ZDHHC7: variants seen among roughly 807,000 people sequenced by gnomAD.
ZDHHC7 encodes the protein zDHHC palmitoyltransferase 7, also known as palmitoyltransferase ZDHHC7.
A neutral mutation model predicts 34.1 loss-of-function variants in ZDHHC7; 12 were observed. The observed-to-expected ratio is 0.35, with a 90% confidence interval of 0.23 to 0.57. The LOEUF is 0.57. Among genes scored for constraint, ZDHHC7 ranks in the 20% least tolerant of loss-of-function variants. The pLI is 0.84. For missense variants in ZDHHC7, 388 were observed against 402.7 expected (o/e 0.96, Z 0.31); for synonymous variants, 185 against 155.4 (o/e 1.19, Z -1.42).
chr16:85,009,045 CAAA>C (rs58054151), intron 1 of ZDHHC7, among the ~76,000 whole-genome samples: 23 of 138,894 alleles, frequency 1.7e-4, no homozygotes, highest in African/African-American at 3.1e-4. Flanking sequence ...AACTCCGTCT[CAAA>C]AAAAAAAAAA....
chr16:85,022,287 G>A, the ZDHHC7 span, among the ~76,000 whole-genome samples: 8,118 of 152,106 alleles, frequency 0.053, 262 homozygotes, highest in Middle Eastern at 0.082. Flanking sequence ...TTAGGAGGCC[G>A]AGGCGGTTGG....
intron 1 of ZDHHC7, among the ~76,000 whole-genome samples, chr16:85,005,398 T>C (rs1214170502): frequency 2.6e-5 from 4 of 152,254 alleles, no homozygotes; most frequent in African/African-American, 9.6e-5. Context: ...GAAAGGCTAT[T>C]TACTGAGCAT....
rs1433390497 is a variant in ZDHHC7, at chr16:84,990,321, T to C, written c.298A>G (p.Thr100Ala). 6.2e-7 allele frequency: 1 copy of C among 1,613,612 alleles called. No homozygotes were observed. Among genetic ancestry groups the C allele is most frequent in the Admixed American group, 1.7e-5 (1 of 59,950 alleles). The stretch of plus-strand genomic sequence containing the variant: ...GTACTCACAGGGTCGGTGAGCATGG[T>C]TCTCAGGTGGGATGACAGGGCAAGC... ...AVLALSSHLR[T>A]MLTDPGAVPK... Residue 100 changes from threonine to alanine, a missense_variant, in exon 3 of 8, where the codon ACC (threonine) becomes GCC (alanine). Thr to Ala is a moderately conservative substitution (Grantham distance 58). Transcript: ENST00000313732.
chr16:84,990,290 C>A lies in ZDHHC7; in HGVS notation c.315+14G>T. The A allele has an allele frequency of 6.2e-7, 1 of 1,610,722 alleles. No homozygotes were observed. The highest frequency in any genetic ancestry group is 8.5e-7 in the Non-Finnish European group (1 of 1,177,580). ...GACACAAGAGAGCCACCCAGAGACG[C>A]AGCCAGTACTCACAGGGTCGGTGAG... On this transcript the variant is annotated intron_variant, in intron 3 of 7. Coordinates refer to ENST00000313732, the MANE Select transcript of ZDHHC7 (RefSeq NM_017740.3).
the ZDHHC7 span, among the ~76,000 whole-genome samples, chr16:85,019,911 G>C: frequency 6.6e-6 from 1 of 152,130 alleles, no homozygotes; most frequent in African/African-American, 2.4e-5. Flanking sequence ...GAACTTCTTA[G>C]CTGCTGTTAT....
chr16:84,976,359 G>A lies in ZDHHC7; in HGVS notation c.911C>T (p.Pro304Leu), dbSNP rs758856098. Reference sequence around the variant, plus strand: ...AGCCACGCCTCACACTGAGAACTCCGGGCCACCTTTTCTGGGTCTCGTGGG... The same window carrying A: ...AGCCACGCCTCACACTGAGAACTCCAGGCCACCTTTTCTGGGTCTCGTGGG... ...RLPTRPRKGG[P>L]EFSV Residue 304 changes from proline (P) to leucine (L), a missense_variant, in exon 8 of 8, where the codon CCG (proline) becomes CTG (leucine). By Grantham distance (98) the Pro-to-Leu change is moderately conservative. Coordinates refer to ENST00000313732, the MANE Select transcript of ZDHHC7 (RefSeq NM_017740.3). The A allele has an allele frequency of 6.2e-5, 100 of 1,613,872 alleles. No homozygotes were observed. The highest frequency in any genetic ancestry group is 4.9e-4 in the Middle Eastern group (3 of 6,072).
intron 2 of ZDHHC7, among the ~76,000 whole-genome samples, chr16:84,994,824 C>G (rs1282523803): frequency 6.6e-6 from 1 of 152,222 alleles, no homozygotes; most frequent in African/African-American, 2.4e-5. Flanking sequence ...AATCCAAAAA[C>G]TGCTTTATTT....
chr16:84,989,922 C>A (rs1468465490), intron 3 of ZDHHC7, among the ~76,000 whole-genome samples: 1 of 152,156 alleles, frequency 6.6e-6, no homozygotes, highest in African/African-American at 2.4e-5. Flanking sequence ...TGGGCGTCTC[C>A]TCCGAGCTCT....
chr16:84,986,754 C>T (rs1051641671), intron 3 of ZDHHC7, among the ~76,000 whole-genome samples: 2 of 152,200 alleles, frequency 1.3e-5, no homozygotes, highest in South Asian at 2.1e-4. Flanking sequence ...GCAATCCCAG[C>T]GAGGACTGCC....
intron 2 of ZDHHC7, among the ~76,000 whole-genome samples, chr16:84,995,541 A>G (rs2072565384): frequency 6.6e-6 from 1 of 152,138 alleles, no homozygotes; most frequent in Non-Finnish European, 1.5e-5. Context: ...CAGAAGAATC[A>G]CTTGAACCTG....
In ZDHHC7 at chr16:85,009,713, T is replaced by TC. The variant is rs1045837779; in HGVS notation, c.-104+1572_-104+1573insG. Among the ~76,000 whole-genome samples, 264 of 144,514 alleles carry TC rather than the reference T, an allele frequency of 1.8e-3. 4 individuals carry two copies. The highest frequency in any genetic ancestry group is 1.8e-3 in the East Asian group (9 of 5,088). The allele number at this position is 144,514 out of a possible 152,430, so 94.8% of individuals were successfully genotyped here. On this transcript the variant is annotated intron_variant, in intron 1 of 7. Coordinates refer to ENST00000313732, the MANE Select transcript of ZDHHC7 (RefSeq NM_017740.3). ...AACCAAGTTCTGACTTTTTTTCTTT[T>TC]TTTTTTTTTTTTTGAGACGGAGTCT... is the stretch of plus-strand genomic sequence containing the variant.
chr16:84,998,300 T>A (rs889127200), intron 1 of ZDHHC7, among the ~76,000 whole-genome samples: 2 of 148,262 alleles, frequency 1.3e-5, no homozygotes, highest in Non-Finnish European at 3.0e-5. Flanking sequence ...GGTCAGGAGG[T>A]CCACCTTCCA....
At chr16:84,992,410 T>A (rs965640032) in intron 2 of ZDHHC7, among the ~76,000 whole-genome samples, 3 of 151,892 alleles carry the variant, frequency 2.0e-5, no homozygotes, top group African/African-American at 4.8e-5. Flanking sequence ...GGGGTGGAGG[T>A]TGCAGTGAGC....
At position 84,981,945 on chromosome 16, in the gene ZDHHC7, T is replaced by C; in HGVS notation, c.365A>G (p.Gln122Arg). The change falls in exon 4 of 8, where the codon CAG (glutamine) becomes CGG (arginine). Residue 122 changes from glutamine (Q) to arginine (R), a missense_variant. Physicochemically the swap from Gln to Arg is conservative, Grantham distance 43 (BLOSUM62 1). Transcript: ENST00000313732. ...GTAGATGACTTCCCCGGGCTTCAGC[T>C]GCAAGCTCTCCATGTATTCTTTCGT... ...NATKEYMESL[Q>R]LKPGEVIYKC... is the part of the protein sequence containing the mutation. 1.2e-6 allele frequency: 2 copies of C among 1,614,246 alleles called. No homozygotes were observed. The highest frequency in any genetic ancestry group is 1.7e-6 in the Non-Finnish European group (2 of 1,180,056).
chr16:85,026,516 G>A, the ZDHHC7 span, among the ~76,000 whole-genome samples: 4 of 151,842 alleles, frequency 2.6e-5, no homozygotes, highest in Non-Finnish European at 5.9e-5. Flanking sequence ...AACCCTCACG[G>A]CACTGCAGCT....
At chr16:85,017,594 G>T in the ZDHHC7 span, among the ~76,000 whole-genome samples, 1 of 152,154 alleles carries the variant, frequency 6.6e-6, no homozygotes, top group African/African-American at 2.4e-5. Flanking sequence ...GCGTATTTGT[G>T]CAATGAAATA....
chr16:84,992,312 T>A (rs546503383), intron 2 of ZDHHC7, among the ~76,000 whole-genome samples: 67 of 139,446 alleles, frequency 4.8e-4, no homozygotes, highest in Non-Finnish European at 8.2e-4. Context: ...ACTAAAAATA[T>A]AAAAATTAGT....
intron 3 of ZDHHC7, among the ~76,000 whole-genome samples, chr16:84,985,837 C>A (rs1396867814): frequency 6.6e-6 from 1 of 151,394 alleles, no homozygotes; most frequent in Admixed American, 6.6e-5. Flanking sequence ...TGCCTGTAAT[C>A]CCAGCTACTC....
intron 1 of ZDHHC7, among the ~76,000 whole-genome samples, chr16:84,997,753 C>T (rs186704649): frequency 3.4e-5 from 5 of 147,968 alleles, no homozygotes; most frequent in South Asian, 4.3e-4. Context: ...ATTAGCTAGG[C>T]GTGGTGGTGG....
Sources: allele counts gnomAD v4.1 joint callset (sites outside exome capture counted in the v4.1 genomes callset), GRCh38; gene constraint gnomAD v4.1.1; transcripts MANE v1.5; gene names NCBI Gene and HGNC (gene_info 2026-07-23, HGNC 2026-07-21).